Variants in TEX14 observed in about 807,000 individuals in gnomAD.
TEX14 encodes inactive serine/threonine-protein kinase TEX14.
A neutral mutation model predicts 178.6 loss-of-function variants in TEX14; 168 were observed. The observed-to-expected ratio is 0.94, with a 90% CI of 0.83 to 1.07. TEX14 has a LOEUF of 1.07. Ranked by LOEUF, TEX14 falls within the 50% of genes least tolerant of loss-of-function variation. TEX14 has a pLI of 0.00. For missense variants in TEX14, 1,730 were observed against 1,753.6 expected, an observed-to-expected ratio of 0.99 and a Z score of 0.24; for synonymous variants, 626 against 634.1, an observed-to-expected ratio of 0.99 and a Z score of 0.19.
chr17:58,569,095 T>C lies in TEX14; in HGVS notation c.3886+97A>G. On this transcript the variant is annotated intron_variant, in intron 26 of 31. Coordinates refer to ENST00000349033, the MANE Select transcript of TEX14 (RefSeq NM_031272.5). This position sits in a 1 kb window ranked among gnomAD's most constrained non-coding sequence, Gnocchi z 4.1. ...TCAACCAGGCCATCATACAGCCTTT[T>C]ATACTAGTGTTCACACTTGAGACAA... The C allele has an allele frequency of 2.9e-6, 3 of 1,040,420 alleles. No individual in the cohort carries two copies. The highest frequency in any genetic ancestry group is 4.2e-6 in the Non-Finnish European group (3 of 707,198). The allele number at this position is 1,040,420 out of a possible 1,614,324, so 64.4% of individuals were successfully genotyped here. A position where few individuals can be genotyped will look rare whatever the true frequency, so the allele number is the denominator to read the frequency against.
At position 58,622,918 on chromosome 17, in the gene TEX14, G is replaced by A. The variant is rs776974997; in HGVS notation, c.346C>T (p.Arg116Ter). The A allele has an allele frequency of 7.4e-6, 12 of 1,613,104 alleles. No homozygotes were observed. The highest frequency in any genetic ancestry group is 1.0e-5 in the Non-Finnish European group (12 of 1,179,264). Reference protein sequence around the residue: ...SKLLDAGGDLRLHDERGQNPK... With the variant: ...SKLLDAGGDL ...TTTTGACCCCTCTCATCGTGGAGTC[G>A]CAGGTCACCTCCTGCATCCAGCAGT... The change falls in exon 4 of 32, where the codon CGA becomes TGA. Residue 116 changes from arginine to a stop codon, truncating the protein, a stop_gained. Transcript: ENST00000349033. LOFTEE classifies it high-confidence loss of function.
chr17:58,595,079 A>C (rs1206720350), intron 14 of TEX14, among the ~76,000 whole-genome samples: 1 of 152,188 alleles, frequency 6.6e-6, no homozygotes, highest in South Asian at 2.1e-4. Flanking sequence ...TCACCATAAC[A>C]GGTGTTCAGA....
At chr17:58,603,268 C>T (rs1460047924) in intron 11 of TEX14, among the ~76,000 whole-genome samples, 1 of 148,408 alleles carries the variant, frequency 6.7e-6, no homozygotes, top group African/African-American at 2.5e-5. Flanking sequence ...AAAAAAGCAG[C>T]CCTTGGCCGG....
chr17:58,682,195 C>T (rs1490966506), intron 1 of TEX14, among the ~76,000 whole-genome samples: 5 of 151,780 alleles, frequency 3.3e-5, no homozygotes, highest in South Asian at 4.1e-4. Context: ...GCAATTGACC[C>T]GTCTCCGCCT....
chr17:58,603,539 A>C (rs543371382), intron 11 of TEX14, among the ~76,000 whole-genome samples: 58 of 138,382 alleles, frequency 4.2e-4, no homozygotes, highest in Non-Finnish European at 6.8e-4. Context: ...TGGGCAACAG[A>C]GTAAGACTCC....
chr17:58,683,478 A>G (rs1391868680), intron 1 of TEX14, among the ~76,000 whole-genome samples: 2 of 151,758 alleles, frequency 1.3e-5, no homozygotes, highest in Non-Finnish European at 2.9e-5. Context: ...AAGAGACAGA[A>G]TTGGCCAGGT....
chr17:58,615,714 G>A (rs1415916257), intron 7 of TEX14, among the ~76,000 whole-genome samples: 1 of 152,198 alleles, frequency 6.6e-6, no homozygotes, highest in Non-Finnish European at 1.5e-5. Flanking sequence ...AAAGGCAGCA[G>A]CAATAAAACA....
chr17:58,606,785 T>C (rs993125806), intron 10 of TEX14, among the ~76,000 whole-genome samples: 2 of 151,006 alleles, frequency 1.3e-5, no homozygotes, highest in Non-Finnish European at 2.9e-5. Context: ...CCCAGCACTT[T>C]AGGAGGCCGA....
At chr17:58,557,873 G>GA (rs781218309) in intron 30 of TEX14, 23 bp from the exon 31 acceptor site, 7 of 1,595,602 alleles carry the variant, frequency 4.4e-6, no homozygotes, top group East Asian at 4.5e-5. Context: ...TAAGAGGAAG[G>GA]AAAAAACAAC....
At chr17:58,658,152 A>G (rs1338390448) in intron 1 of TEX14, among the ~76,000 whole-genome samples, 4 of 152,148 alleles carry the variant, frequency 2.6e-5, no homozygotes, top group Non-Finnish European at 5.9e-5. Flanking sequence ...AGTTCCTCGA[A>G]TGCTCCACGA....
intron 1 of TEX14, among the ~76,000 whole-genome samples, chr17:58,691,325 A>G: frequency 6.6e-6 from 1 of 152,144 alleles, no homozygotes; most frequent in South Asian, 2.1e-4. Context: ...TCTGATTTGC[A>G]ATATTTAGAA....
chr17:58,583,718 T>C (rs1296283221), intron 19 of TEX14, among the ~76,000 whole-genome samples: 2 of 152,228 alleles, frequency 1.3e-5, no homozygotes, highest in Non-Finnish European at 2.9e-5. Flanking sequence ...CCCACTTTCC[T>C]GCCTAGGCCT....
chr17:58,671,899 A>C (rs1038310089), intron 1 of TEX14, among the ~76,000 whole-genome samples: 2 of 151,952 alleles, frequency 1.3e-5, no homozygotes, highest in African/African-American at 4.8e-5. Context: ...CCCTAGCCCC[A>C]TCTCTCACCT....
At chr17:58,596,542 A>G (rs1598370037) in intron 14 of TEX14, among the ~76,000 whole-genome samples, 1 of 152,010 alleles carries the variant, frequency 6.6e-6, no homozygotes, top group Non-Finnish European at 1.5e-5. Context: ...TTGGCCTCCC[A>G]AAGTGCTGGA....
At chr17:58,594,617 TAC>T (rs1185844388) in intron 14 of TEX14, among the ~76,000 whole-genome samples, 1 of 152,062 alleles carries the variant, frequency 6.6e-6, no homozygotes, top group Non-Finnish European at 1.5e-5. Flanking sequence ...CCTCCCAAAG[TAC>T]AGGGATTACA....
rs750810376 is a variant in TEX14 at position 58,559,579 on chromosome 17, T to C, written c.4158-17A>G. The C allele has an allele frequency of 7.7e-7, 1 of 1,304,828 alleles. No individual in the cohort carries two copies. 80.8% of individuals were successfully genotyped at this position (1,304,828 alleles called of 1,614,324 possible). On this transcript the variant is annotated splice_polypyrimidine_tract_variant and intron_variant, in intron 29 of 31. Transcript: ENST00000349033. ...TTTGTCTCCCTGTAACAACAATTAT[T>C]TGGGGAATCAAAACGTATACACAAC...
Position 58,623,021 on chromosome 17 carries a change from G to A in TEX14, c.252-9C>T. On this transcript the variant is annotated splice_polypyrimidine_tract_variant and intron_variant, in intron 3 of 31. Transcript: ENST00000349033. ...TCCCATCAAAGCAGCGGCTGGGGAG[G>A]GAGATGAGTACAATTGATGTCCATG... 6.3e-7 allele frequency: 1 copy of A among 1,586,438 alleles called. No individual in the cohort carries two copies. The highest frequency in any genetic ancestry group is 1.7e-5 in the Admixed American group (1 of 59,564).
chr17:58,675,248 C>T (rs1178890379), intron 1 of TEX14: 6 of 152,152 alleles, frequency 3.9e-5, no homozygotes, highest in African/African-American at 7.2e-5. Flanking sequence ...AATACCACTT[C>T]ACCCTCACTA....
At chr17:58,659,119 A>C (rs1470896627) in intron 1 of TEX14, among the ~76,000 whole-genome samples, 2 of 152,126 alleles carry the variant, frequency 1.3e-5, no homozygotes, top group Non-Finnish European at 2.9e-5. Context: ...AACAACACAC[A>C]AGCCGTCTTT....
Sources: gnomAD v4.1 joint callset for allele counts (sites outside exome capture counted in the v4.1 genomes callset) on GRCh38, gnomAD v4.1.1 for gene constraint, Gnocchi (gnomAD v3.1) non-coding constraint, MANE v1.5 for transcripts, NCBI Gene and HGNC (gene_info 2026-07-23, HGNC 2026-07-21) for gene names.